Variants in LRRC7 observed in about 807,000 individuals in gnomAD.
The protein encoded by LRRC7 is leucine-rich repeat-containing protein 7.
LRRC7 carries 23 observed loss-of-function variants against 175.7 expected under a neutral mutation model. That is an observed-to-expected ratio of 0.13 (90% CI 0.09 to 0.19). LRRC7 has a LOEUF of 0.19. Ranked by LOEUF, LRRC7 falls within the 10% of genes least tolerant of loss-of-function variation. LRRC7 has a pLI of 1.00. For synonymous variants in LRRC7, 685 were observed against 680.9 expected (o/e 1.01, Z -0.09); for missense variants, 1,354 against 1,904.7 (o/e 0.71, Z 5.38).
At chr1:69,647,500 C>T (rs1655170952) in intron 1 of LRRC7, among the ~76,000 whole-genome samples, 1 of 152,250 alleles carries the variant, frequency 6.6e-6, no homozygotes, top group South Asian at 2.1e-4. Context: ...GATTTTGATG[C>T]TCTGTAGGCT....
intron 4 of LRRC7, among the ~76,000 whole-genome samples, chr1:69,818,591 GTC>G (rs1678872620): frequency 6.6e-6 from 1 of 151,914 alleles, no homozygotes; most frequent in South Asian, 2.1e-4. Flanking sequence ...GTTGTTTCTT[GTC>G]TGGGTTTGGT....
At chr1:69,957,979 C>A (rs12045965) in intron 8 of LRRC7, among the ~76,000 whole-genome samples, 10,798 of 151,870 alleles carry the variant, frequency 0.071, 413 homozygotes, top group South Asian at 0.11. Flanking sequence ...CAAGTAAAAA[C>A]ATGTATTTTC....
intron 3 of LRRC7, among the ~76,000 whole-genome samples, chr1:69,769,286 A>G (rs1024110782): frequency 1.3e-5 from 2 of 152,180 alleles, no homozygotes; most frequent in Admixed American, 6.6e-5. Context: ...CCCATCTCCT[A>G]CAATTGTGGT....
chr1:69,878,276 G>GGAA (rs1553167522), intron 7 of LRRC7, among the ~76,000 whole-genome samples: 151 of 123,906 alleles, frequency 1.2e-3, no homozygotes, highest in African/African-American at 5.0e-3. Flanking sequence ...CCTTATCTTA[G>GGAA]AAAAAAAAAA....
At chr1:69,818,479 A>G (rs1244019416) in intron 4 of LRRC7, among the ~76,000 whole-genome samples, 2 of 152,036 alleles carry the variant, frequency 1.3e-5, no homozygotes, top group African/African-American at 4.8e-5. Flanking sequence ...ACTATGGTAT[A>G]TGATCCTTTT....
At chr1:69,945,428 A>G (rs1260356127) in intron 8 of LRRC7, among the ~76,000 whole-genome samples, 1 of 152,092 alleles carries the variant, frequency 6.6e-6, no homozygotes, top group Non-Finnish European at 1.5e-5. Flanking sequence ...TTTTGAGATC[A>G]GATAGTATGA....
At chr1:69,987,863 C>G (rs1654081621) in intron 10 of LRRC7, among the ~76,000 whole-genome samples, 1 of 152,146 alleles carries the variant, frequency 6.6e-6, no homozygotes, top group Non-Finnish European at 1.5e-5. Flanking sequence ...ATTTCTCTAA[C>G]TTGCTCAATC....
chr1:69,922,185 C>A (rs963732780), intron 7 of LRRC7, among the ~76,000 whole-genome samples: 3 of 152,188 alleles, frequency 2.0e-5, no homozygotes, highest in African/African-American at 7.2e-5. Context: ...CTCGGCCCCC[C>A]AAAGTGCTGG....
chr1:69,880,079 C>T (rs1686446734), intron 7 of LRRC7, among the ~76,000 whole-genome samples: 2 of 151,988 alleles, frequency 1.3e-5, no homozygotes, highest in Non-Finnish European at 1.5e-5. Context: ...GGAAATGCTC[C>T]GAGACACTGG....
intron 13 of LRRC7, among the ~76,000 whole-genome samples, chr1:70,015,158 A>G (rs1222585207): frequency 6.6e-6 from 1 of 152,104 alleles, no homozygotes; most frequent in African/African-American, 2.4e-5. Flanking sequence ...TAACAATTAT[A>G]TAAAAAAGAA....
intron 1 of LRRC7, among the ~76,000 whole-genome samples, chr1:69,573,071 A>G (rs1281003786): frequency 6.6e-6 from 1 of 152,176 alleles, no homozygotes; most frequent in Non-Finnish European, 1.5e-5. Flanking sequence ...AATCATAATT[A>G]TAATAAGTTA....
intron 24 of LRRC7, among the ~76,000 whole-genome samples, chr1:70,087,795 T>C (rs1210421378): frequency 1.3e-5 from 2 of 152,142 alleles, no homozygotes; most frequent in African/African-American, 2.4e-5. Context: ...TAGTGCATAG[T>C]TTTTCATCTT....
At chr1:70,000,677 C>A (rs909736544) in intron 11 of LRRC7, among the ~76,000 whole-genome samples, 2 of 152,140 alleles carry the variant, frequency 1.3e-5, no homozygotes, top group Non-Finnish European at 2.9e-5. Flanking sequence ...CTGAAATATT[C>A]TTTCCCCACT....
At chr1:69,793,523 T>A (rs967780897) in intron 4 of LRRC7, among the ~76,000 whole-genome samples, 1 of 152,090 alleles carries the variant, frequency 6.6e-6, no homozygotes, top group African/African-American at 2.4e-5. Flanking sequence ...GCTCATTTCC[T>A]TATCACCTTC....
chr1:69,731,208 T>A (rs1045223867), intron 2 of LRRC7, among the ~76,000 whole-genome samples: 1 of 151,756 alleles, frequency 6.6e-6, no homozygotes, highest in Non-Finnish European at 1.5e-5. Flanking sequence ...AGGCTGAGGC[T>A]AGAGAATGGT....
rs1227511476 is a variant in LRRC7 at position 70,111,173 on chromosome 1, C to A, written c.4620+3347C>A. Among the ~76,000 whole-genome samples the A allele has an allele frequency of 3.9e-5, 6 of 152,160 alleles. No homozygotes were observed. In the East Asian group the frequency reaches 9.6e-4, roughly 24 times the overall value. On this transcript the variant is annotated intron_variant, in intron 26 of 26. Transcript: ENST00000651989. ...GCACAAGAGATATGTCTTTCCTAAT[C>A]CCTCTTCCCAAACCCAGAATTTATT...
At position 70,084,764 on chromosome 1, in the gene LRRC7, C is replaced by G. The variant is rs183730816; in HGVS notation, c.4453-4963C>G. 4.1e-3 allele frequency among the ~76,000 whole-genome samples: 624 copies of G among 152,218 alleles called. 5 individuals carry two copies. The highest frequency in any genetic ancestry group is 4.7e-3 in the Non-Finnish European group (321 of 67,988). ...AAAAGTGGTTACAACATATTAATTCCGAACAGCAATGAATGTGGGTTCCAC... is the reference window on the plus strand; with the variant it reads ...AAAAGTGGTTACAACATATTAATTCGGAACAGCAATGAATGTGGGTTCCAC... On this transcript the variant is annotated intron_variant, in intron 24 of 26. Coordinates refer to ENST00000651989, the MANE Select transcript of LRRC7 (RefSeq NM_001370785.2).
intron 7 of LRRC7, among the ~76,000 whole-genome samples, chr1:69,895,716 CT>C (rs1645961026): frequency 6.6e-6 from 1 of 152,106 alleles, no homozygotes. Context: ...TGCCTGGATT[CT>C]TTCACTGAGC....
At chr1:69,979,079 C>T (rs555932206) in intron 8 of LRRC7, among the ~76,000 whole-genome samples, 1 of 152,176 alleles carries the variant, frequency 6.6e-6, no homozygotes, top group South Asian at 2.1e-4. Context: ...CCCAGGACTG[C>T]AGAGAAAAGC....
Sources: allele counts gnomAD v4.1 joint callset (sites outside exome capture counted in the v4.1 genomes callset), GRCh38; gene constraint gnomAD v4.1.1; transcripts MANE v1.5; gene names NCBI Gene and HGNC (gene_info 2026-07-23, HGNC 2026-07-21).